The following ADAMTS17 variants were observed in gnomAD, a reference collection of about 807,000 sequenced individuals.
ADAMTS17 encodes A disintegrin and metalloproteinase with thrombospondin motifs 17.
In ADAMTS17, 113 loss-of-function variants were observed where a neutral mutation model predicts 141.5. The observed-to-expected ratio is 0.80, with a 90% confidence interval of 0.69 to 0.93. The LOEUF (loss-of-function observed/expected upper bound fraction) is 0.93. Among genes scored for constraint, ADAMTS17 ranks in the 40% least tolerant of loss-of-function variants. The probability of loss-of-function intolerance (pLI) is 0.00; values close to 1 mark genes in which losing one functional copy is unlikely to be tolerated. For synonymous variants in ADAMTS17, 768 were observed against 630.6 expected, an observed-to-expected ratio of 1.22 and a Z score of -3.27; for missense variants, 1,659 against 1,517.9, an observed-to-expected ratio of 1.09 and a Z score of -1.54.
chr15:100,225,860 ACGGCC>A, intron 7 of ADAMTS17, among the ~76,000 whole-genome samples: 2 of 142,904 alleles, frequency 1.4e-5, no homozygotes, highest in African/African-American at 2.7e-5. Flanking sequence ...TACAGCAGTC[ACGGCC>A]TCTGCGCCAT....
rs751037697 is a variant in ADAMTS17 at position 100,051,713 on chromosome 15, G to A, written c.2314C>T (p.Gln772Ter). The change falls in exon 17 of 22, where the codon CAA becomes TAA. Residue 772 changes from glutamine (Q) to a stop codon, truncating the protein, a stop_gained. Coordinates refer to ENST00000268070, the MANE Select transcript of ADAMTS17 (RefSeq NM_139057.4). LOFTEE classifies it high-confidence loss of function. ...TATTCATAATGAATTCCATAATCTT[G>A]GTCGTGAAATAACAACACCTGGATC... is the stretch of plus-strand genomic sequence containing the variant. ...LHLMVLLFHD[Q>*]DYGIHYEYTV... 9 of 1,614,178 alleles carry A rather than the reference G, an allele frequency of 5.6e-6. No homozygotes were observed. Among genetic ancestry groups the A allele is most frequent in the South Asian group, 1.1e-5 (1 of 91,078 alleles).
intron 18 of ADAMTS17, among the ~76,000 whole-genome samples, chr15:100,026,413 T>C (rs778080040): frequency 3.3e-5 from 5 of 152,232 alleles, no homozygotes; most frequent in Non-Finnish European, 5.9e-5. Flanking sequence ...AGCAACTGCA[T>C]CTTAAATGGG....
At chr15:100,025,960 T>C (rs1404684454) in intron 18 of ADAMTS17, among the ~76,000 whole-genome samples, 1 of 152,196 alleles carries the variant, frequency 6.6e-6, no homozygotes, top group East Asian at 1.9e-4. Context: ...TAAAAGTATA[T>C]AAATTATAAG....
At chr15:100,115,387 G>C (rs2037051672) in intron 13 of ADAMTS17, among the ~76,000 whole-genome samples, 1 of 152,206 alleles carries the variant, frequency 6.6e-6, no homozygotes, top group African/African-American at 2.4e-5. Flanking sequence ...TGTTTCTCTT[G>C]AATTCTGCTG....
chr15:100,122,676 T>C (rs925985151), intron 12 of ADAMTS17, among the ~76,000 whole-genome samples: 5 of 152,250 alleles, frequency 3.3e-5, no homozygotes, highest in African/African-American at 9.6e-5. Context: ...ATGTGTTTTA[T>C]ACTATATTCT....
chr15:100,007,832 G>A (rs888102528), intron 18 of ADAMTS17, among the ~76,000 whole-genome samples: 3 of 152,096 alleles, frequency 2.0e-5, no homozygotes, highest in African/African-American at 4.8e-5. Flanking sequence ...AAAGTCATGA[G>A]CAAAGGAGGT....
chr15:100,299,967 G>A (rs2044970558), intron 3 of ADAMTS17, among the ~76,000 whole-genome samples: 1 of 152,198 alleles, frequency 6.6e-6, no homozygotes, highest in South Asian at 2.1e-4. Flanking sequence ...CACAGGTGGT[G>A]TTCAGTCATT....
chr15:100,334,738 A>G (rs2046157979), intron 2 of ADAMTS17, among the ~76,000 whole-genome samples: 1 of 152,140 alleles, frequency 6.6e-6, no homozygotes, highest in Non-Finnish European at 1.5e-5. Context: ...CTCGAATGTG[A>G]AATGCCTGAG....
chr15:100,051,856 G>T, intron 16 of ADAMTS17, 125 bp from the exon 17 acceptor site: 1 of 1,236,716 alleles, frequency 8.1e-7, no homozygotes, highest in Non-Finnish European at 1.2e-6. Flanking sequence ...CTTTTCTGGG[G>T]CTGAAAACAG....
chr15:100,184,077 C>T (rs2040618566), intron 8 of ADAMTS17, among the ~76,000 whole-genome samples: 1 of 150,898 alleles, frequency 6.6e-6, no homozygotes, highest in South Asian at 2.1e-4. Context: ...GAGCTGCCCA[C>T]CAGTGTCCTG....
intron 13 of ADAMTS17, 55 bp from the exon 14 acceptor site, chr15:100,109,171 C>A (rs910642285): frequency 6.4e-7 from 1 of 1,560,900 alleles, no homozygotes; most frequent in Non-Finnish European, 8.7e-7. Context: ...GTGGGCCATG[C>A]AGGGCACAGG....
chr15:100,238,876 G>A (rs1446697307), intron 7 of ADAMTS17, among the ~76,000 whole-genome samples: 1 of 152,200 alleles, frequency 6.6e-6, no homozygotes, highest in East Asian at 1.9e-4. Flanking sequence ...CTTGAGGTCA[G>A]GAGTTCAAGA....
chr15:100,051,707 A>T lies in ADAMTS17; in HGVS notation c.2320T>A (p.Tyr774Asn). Residue 774 changes from tyrosine (Y) to asparagine (N), a missense_variant, in exon 17 of 22, where the codon TAT becomes AAT. Tyr to Asn is a moderately radical substitution (Grantham distance 143). Coordinates refer to ENST00000268070, the MANE Select transcript of ADAMTS17 (RefSeq NM_139057.4). The stretch of plus-strand genomic sequence containing the variant: ...ACAGTGTATTCATAATGAATTCCAT[A>T]ATCTTGGTCGTGAAATAACAACACC... The part of the protein sequence containing the change: ...LMVLLFHDQD[Y>N]GIHYEYTVPV... The T allele has an allele frequency of 6.2e-7, 1 of 1,614,208 alleles. No individual in the cohort carries two copies. Among genetic ancestry groups the T allele is most frequent in the Non-Finnish European group, 8.5e-7 (1 of 1,180,034 alleles).
intron 7 of ADAMTS17, among the ~76,000 whole-genome samples, chr15:100,251,638 TGGCAGAACCCGGGA>T (rs1286987575): frequency 1.1e-4 from 16 of 152,148 alleles, no homozygotes; most frequent in Admixed American, 2.0e-4. Flanking sequence ...GGCAGGAGAA[TGGCAGAACCCGGGA>T]GCCAGAACCC....
At chr15:100,267,840 T>G (rs186628842) in intron 4 of ADAMTS17, among the ~76,000 whole-genome samples, 57 of 152,318 alleles carry the variant, frequency 3.7e-4, no homozygotes, top group African/African-American at 1.3e-3. Context: ...GTAAACAGAG[T>G]ACCTATCACC....
intron 15 of ADAMTS17, among the ~76,000 whole-genome samples, chr15:100,084,018 C>T (rs977424081): frequency 4.6e-5 from 7 of 151,996 alleles, no homozygotes; most frequent in South Asian, 2.1e-4. Context: ...TGCAGTGCAC[C>T]GTGAGTGAGC....
chr15:100,117,614 C>T (rs549362294), intron 12 of ADAMTS17, among the ~76,000 whole-genome samples: 1 of 152,172 alleles, frequency 6.6e-6, no homozygotes. Context: ...CCTAGATGCT[C>T]TGTGCTGAGG....
chr15:100,063,907 G>C (rs2033318646), intron 15 of ADAMTS17: 1 of 443,622 alleles, frequency 2.3e-6, no homozygotes, highest in Admixed American at 3.0e-5. Context: ...GCTCTCCTAA[G>C]GCCAGGACCT....
intron 3 of ADAMTS17, among the ~76,000 whole-genome samples, chr15:100,330,226 A>G (rs1043486109): frequency 6.6e-6 from 1 of 152,200 alleles, no homozygotes; most frequent in African/African-American, 2.4e-5. Context: ...CCTGGCACCC[A>G]AATCATACCC....
Sources: gnomAD v4.1 joint callset for allele counts (sites outside exome capture counted in the v4.1 genomes callset) on GRCh38, gnomAD v4.1.1 for gene constraint, MANE v1.5 for transcripts, NCBI Gene and HGNC (gene_info 2026-07-23, HGNC 2026-07-21) for gene names.